CDH12: variants seen among roughly 807,000 people sequenced by gnomAD.
The protein encoded by CDH12 is cadherin 12.
In CDH12, 41 loss-of-function variants were observed where a neutral mutation model predicts 74.1. The ratio of observed to expected loss-of-function variants is 0.55; its 90% CI spans 0.43 to 0.72. The LOEUF is 0.72. CDH12 is among the 30% of genes least tolerant of loss of function. The pLI is 0.00. For synonymous variants in CDH12, 399 were observed against 355.0 expected, an observed-to-expected ratio of 1.12 and a Z score of -1.39; for missense variants, 945 against 977.2, an observed-to-expected ratio of 0.97 and a Z score of 0.44.
chr5:22,253,518 T>C (rs1301093494), intron 3 of CDH12, among the ~76,000 whole-genome samples: 1 of 151,962 alleles, frequency 6.6e-6, no homozygotes, highest in African/African-American at 2.4e-5. Context: ...TTAAATAATT[T>C]ACATATTTTC....
At chr5:22,628,087 C>T (rs1484640778) in intron 1 of CDH12, among the ~76,000 whole-genome samples, 1 of 152,028 alleles carries the variant, frequency 6.6e-6, no homozygotes, top group African/African-American at 2.4e-5. Flanking sequence ...AACAAAGGAG[C>T]ACCAAGATTC....
intron 6 of CDH12, among the ~76,000 whole-genome samples, chr5:21,951,647 T>C (rs1755867054): frequency 6.6e-6 from 1 of 152,254 alleles, no homozygotes; most frequent in Non-Finnish European, 1.5e-5. Flanking sequence ...AATTAAAATA[T>C]ATTCATATGC....
chr5:21,767,178 T>C (rs76726105), intron 11 of CDH12, among the ~76,000 whole-genome samples: 4,739 of 151,926 alleles, frequency 0.031, 90 homozygotes, highest in Middle Eastern at 0.058. Context: ...GTATATAATG[T>C]ATGAGTCCTG....
chr5:21,783,242 G>T, intron 11 of CDH12, 116 bp downstream of exon 11: 1 of 866,202 alleles, frequency 1.2e-6, no homozygotes. Context: ...GAGTTTCCCC[G>T]CGAGACCACT....
rs68057564 is a variant in CDH12 at position 22,681,263 on chromosome 5, GTA to G, written c.-523+171793_-523+171794del. On this transcript the variant is annotated intron_variant, in intron 1 of 14. Coordinates refer to ENST00000382254, the MANE Select transcript of CDH12 (RefSeq NM_004061.5). ...TGTGTGTGTGTGTGTGTGTGTGTGT[GTA>G]TTAGATAAGTGCCCAGGAGCAGTTT... Among the ~76,000 whole-genome samples, 1,086 of 145,668 alleles carry G rather than the reference GTA, an allele frequency of 7.5e-3. 12 individuals carry two copies. The highest frequency in any genetic ancestry group is 0.018 in the South Asian group (84 of 4,602).
At chr5:22,516,232 A>G (rs905948046) in intron 1 of CDH12, among the ~76,000 whole-genome samples, 2 of 152,170 alleles carry the variant, frequency 1.3e-5, no homozygotes, top group Non-Finnish European at 2.9e-5. Flanking sequence ...AAAAATATAA[A>G]TTAGTACAGC....
chr5:22,279,377 A>G (rs1221642027), intron 3 of CDH12, among the ~76,000 whole-genome samples: 1 of 152,164 alleles, frequency 6.6e-6, no homozygotes, highest in East Asian at 1.9e-4. Context: ...ACTGTTTTTT[A>G]TATACATATT....
At chr5:22,158,821 ATTAGCTCAGGTCATCATTT>A (rs1313315910) in intron 4 of CDH12, among the ~76,000 whole-genome samples, 16 of 152,114 alleles carry the variant, frequency 1.1e-4, no homozygotes, top group Non-Finnish European at 1.5e-5. Flanking sequence ...ATGTTGACAA[ATTAGCTCAGGTCATCATTT>A]ATATTATCTA....
rs148467556 is a variant in CDH12, at chr5:22,431,603, C to T, written c.-427-26252G>A. Among the ~76,000 whole-genome samples the T allele has an allele frequency of 4.3e-4, 66 of 152,208 alleles. 1 individual carries two copies. Among genetic ancestry groups the T allele is most frequent in the Admixed American group, 2.4e-3 (37 of 15,292 alleles). ...CAGGCAGGTCATTCAGGACATATTC[C>T]ACAAGAAGGCATTGTTATCATAAGA... On this transcript the variant is annotated intron_variant, in intron 2 of 14. Coordinates refer to ENST00000382254, the MANE Select transcript of CDH12 (RefSeq NM_004061.5).
At chr5:21,841,816 T>C (rs1156890885) in intron 8 of CDH12, among the ~76,000 whole-genome samples, 2 of 131,044 alleles carry the variant, frequency 1.5e-5, no homozygotes, top group African/African-American at 2.9e-5. Context: ...AATGAGAACA[T>C]ATGGACACAG....
At chr5:22,698,719 ATATATATATATATATAGTGTGTGTGT>A (rs1742539099) in intron 1 of CDH12, among the ~76,000 whole-genome samples, 3 of 23,220 alleles carry the variant, frequency 1.3e-4, no homozygotes, top group African/African-American at 6.4e-4. Flanking sequence ...ATATATATAT[ATATATATATATATATAGTGTGTGTGT>A]GTGTGTGTGT....
At chr5:22,390,524 T>C (rs1332290072) in intron 3 of CDH12, among the ~76,000 whole-genome samples, 1 of 152,084 alleles carries the variant, frequency 6.6e-6, no homozygotes, top group Non-Finnish European at 1.5e-5. Flanking sequence ...TCTTTGTACA[T>C]GTAATATTAC....
intron 3 of CDH12, among the ~76,000 whole-genome samples, chr5:22,345,513 T>C (rs1740073444): frequency 6.6e-6 from 1 of 152,194 alleles, no homozygotes; most frequent in Admixed American, 6.5e-5. Context: ...TTGATGTAAG[T>C]TACCTTTTAA....
chr5:21,919,467 A>G (rs1754253513), intron 6 of CDH12, among the ~76,000 whole-genome samples: 1 of 152,072 alleles, frequency 6.6e-6, no homozygotes, highest in Admixed American at 6.6e-5. Flanking sequence ...AATTCCACTT[A>G]TGAAATGCCA....
At chr5:22,751,882 C>G (rs1390623845) in intron 1 of CDH12, among the ~76,000 whole-genome samples, 1 of 152,174 alleles carries the variant, frequency 6.6e-6, no homozygotes. Context: ...TATATAACCA[C>G]TGTTTGAAGA....
At chr5:21,787,148 G>T (rs1273432616) in intron 10 of CDH12, among the ~76,000 whole-genome samples, 1 of 152,142 alleles carries the variant, frequency 6.6e-6, no homozygotes, top group African/African-American at 2.4e-5. Context: ...GGTTTTAGGA[G>T]GATTGACTCC....
At chr5:22,651,585 C>T (rs950962586) in intron 1 of CDH12, among the ~76,000 whole-genome samples, 1 of 152,082 alleles carries the variant, frequency 6.6e-6, no homozygotes, top group African/African-American at 2.4e-5. Context: ...AAATTACCAC[C>T]ACCTGGTCTC....
In CDH12 at chr5:22,613,644, C is replaced by T. The variant is rs529490749; in HGVS notation, c.-522-108280G>A. Reference sequence around the variant, plus strand: ...GTGTTATGTATGTATTTATGCACATCGTGACTTGTTCCAGAAAGGATTAAA... The same window carrying T: ...GTGTTATGTATGTATTTATGCACATTGTGACTTGTTCCAGAAAGGATTAAA... On this transcript the variant is annotated intron_variant, in intron 1 of 14. Transcript: ENST00000382254. 7.2e-5 allele frequency among the ~76,000 whole-genome samples: 11 copies of T among 152,114 alleles called. No homozygotes were observed. The East Asian group carries it at 7.7e-4, about 11-fold the overall frequency.
chr5:22,200,975 A>G (rs1391232669), intron 4 of CDH12, among the ~76,000 whole-genome samples: 2 of 152,162 alleles, frequency 1.3e-5, no homozygotes, highest in Admixed American at 1.3e-4. Flanking sequence ...TAGAAGAAAC[A>G]TTTGCACTCC....
Sources: gnomAD v4.1 joint callset for allele counts (sites outside exome capture counted in the v4.1 genomes callset) on GRCh38, gnomAD v4.1.1 for gene constraint, MANE v1.5 for transcripts, NCBI Gene and HGNC (gene_info 2026-07-23, HGNC 2026-07-21) for gene names.